FAM241A: variants seen among roughly 807,000 people sequenced by gnomAD.
FAM241A encodes uncharacterized protein FAM241A.
A neutral mutation model predicts 12.2 loss-of-function variants in FAM241A; 7 were observed. The ratio of observed to expected loss-of-function variants is 0.58; its 90% CI spans 0.33 to 1.08. The LOEUF (loss-of-function observed/expected upper bound fraction) is 1.08. FAM241A is among the 50% of genes least tolerant of loss of function. FAM241A has a pLI of 0.04. For missense variants in FAM241A, 161 were observed against 169.7 expected, an observed-to-expected ratio of 0.95 and a Z score of 0.29; for synonymous variants, 74 against 68.2, an observed-to-expected ratio of 1.08 and a Z score of -0.42.
At chr4:112,176,711 C>T (rs1296170250) in intron 1 of FAM241A, among the ~76,000 whole-genome samples, 1 of 152,176 alleles carries the variant, frequency 6.6e-6, no homozygotes, top group Non-Finnish European at 1.5e-5. Flanking sequence ...GAACACCCCT[C>T]TATTTTTATG....
intron 1 of FAM241A, among the ~76,000 whole-genome samples, chr4:112,156,263 C>G (rs1723351668): frequency 6.6e-6 from 1 of 152,090 alleles, no homozygotes; most frequent in Non-Finnish European, 1.5e-5. Context: ...GAACTCTTCC[C>G]CCAGATCTTC....
At chr4:112,161,283 C>G (rs148556367) in intron 1 of FAM241A, among the ~76,000 whole-genome samples, 4,498 of 152,138 alleles carry the variant, frequency 0.03, 181 homozygotes, top group East Asian at 0.16. Context: ...TATTCAAAAG[C>G]TAGCAGAAGG....
chr4:112,149,326 T>C (rs1455205895), intron 1 of FAM241A, among the ~76,000 whole-genome samples: 5 of 152,178 alleles, frequency 3.3e-5, no homozygotes, highest in African/African-American at 4.8e-5. Context: ...TTTTAATATG[T>C]TTTAATATAA....
chr4:112,149,967 A>G (rs1240379562), intron 1 of FAM241A, among the ~76,000 whole-genome samples: 1 of 151,894 alleles, frequency 6.6e-6, no homozygotes, highest in Non-Finnish European at 1.5e-5. Context: ...TTTTTTTGGT[A>G]ATTTCGTATA....
chr4:112,152,358 T>C (rs1391625738), intron 1 of FAM241A, among the ~76,000 whole-genome samples: 2 of 152,186 alleles, frequency 1.3e-5, no homozygotes, highest in African/African-American at 4.8e-5. Context: ...GCACAAAATT[T>C]CAATAGTGCC....
intron 1 of FAM241A, among the ~76,000 whole-genome samples, chr4:112,177,608 A>T (rs1365209827): frequency 1.3e-5 from 2 of 152,176 alleles, no homozygotes; most frequent in African/African-American, 4.8e-5. Context: ...TAATGCATGT[A>T]AAACACAATG....
Position 112,194,575 on chromosome 4 carries a change from T to C in FAM241A, c.*7637T>C, listed in dbSNP as rs2110440690. ...TAGCATGAAGCGTTGTTGAATTTTG[T>C]CAAAGGCCTTTTCTGCATCTATTGA... On this transcript the variant is annotated 3_prime_UTR_variant, in exon 2 of 2. Transcript: ENST00000309733. The C allele has an allele frequency of 6.6e-6, 1 of 152,288 alleles. No individual in the cohort carries two copies. Among genetic ancestry groups the C allele is most frequent in the East Asian group, 1.9e-4 (1 of 5,178 alleles). The allele number at this position is 152,288 out of a possible 1,614,324, so 9.4% of individuals were successfully genotyped here.
chr4:112,163,227 AC>A (rs2110425570), intron 1 of FAM241A, among the ~76,000 whole-genome samples: 1 of 152,364 alleles, frequency 6.6e-6, no homozygotes, highest in East Asian at 1.9e-4. Flanking sequence ...CCTAGGTAAT[AC>A]CATTCAGAAC....
chr4:112,179,080 T>G (rs976437883), intron 1 of FAM241A, among the ~76,000 whole-genome samples: 2 of 152,114 alleles, frequency 1.3e-5, no homozygotes, highest in Non-Finnish European at 2.9e-5. Flanking sequence ...TCAAAGAACT[T>G]CAAACACTCT....
chr4:112,163,450 G>C (rs1445895076), intron 1 of FAM241A, among the ~76,000 whole-genome samples: 1 of 152,004 alleles, frequency 6.6e-6, no homozygotes, highest in African/African-American at 2.4e-5. Context: ...AAAGAACTCA[G>C]ACAAACTTAC....
intron 1 of FAM241A, among the ~76,000 whole-genome samples, chr4:112,181,557 T>C (rs553780210): frequency 6.6e-6 from 1 of 152,310 alleles, no homozygotes; most frequent in South Asian, 2.1e-4. Context: ...AGGTAGACAT[T>C]AATCAAATAA....
chr4:112,164,603 T>TA (rs1723555877), intron 1 of FAM241A, among the ~76,000 whole-genome samples: 2 of 151,196 alleles, frequency 1.3e-5, no homozygotes, highest in South Asian at 2.1e-4. Flanking sequence ...ATAATAATTT[T>TA]AAAAAATAAA....
rs1023800977 is a variant in FAM241A at position 112,190,170 on chromosome 4, A to C, written c.*3232A>C. ...TATCCAGGCAATCAGGAAAGGCAAAACTTACAGAATGATAGAGGAAAAATT... is the reference window on the plus strand; with the variant it reads ...TATCCAGGCAATCAGGAAAGGCAAACCTTACAGAATGATAGAGGAAAAATT... On this transcript the variant is annotated 3_prime_UTR_variant, in exon 2 of 2. Transcript: ENST00000309733. The C allele has an allele frequency of 6.8e-6, 1 of 147,816 alleles. No homozygotes were observed. The highest frequency in any genetic ancestry group is 2.5e-5 in the African/African-American group (1 of 39,364). The allele number at this position is 147,816 out of a possible 1,614,324, so 9.2% of individuals were successfully genotyped here. A position where few individuals can be genotyped will look rare whatever the true frequency, so the allele number is the denominator to read the frequency against.
At chr4:112,147,405 A>G (rs1386449116) in intron 1 of FAM241A, among the ~76,000 whole-genome samples, 2 of 152,272 alleles carry the variant, frequency 1.3e-5, no homozygotes, top group Non-Finnish European at 1.5e-5. Flanking sequence ...TTCCTACTAC[A>G]TTAGCACCAA....
chr4:112,167,120 A>C (rs1398951688), intron 1 of FAM241A, among the ~76,000 whole-genome samples: 1 of 150,170 alleles, frequency 6.7e-6, no homozygotes, highest in South Asian at 2.1e-4. Context: ...TCTCAAAAAA[A>C]AAAAAAATAA....
chr4:112,161,391 C>G (rs1723465457), intron 1 of FAM241A, among the ~76,000 whole-genome samples: 1 of 151,618 alleles, frequency 6.6e-6, no homozygotes, highest in Non-Finnish European at 1.5e-5. Context: ...TTGAAAAGAT[C>G]AACAAAATTG....
chr4:112,174,098 T>C (rs1723774868), intron 1 of FAM241A, among the ~76,000 whole-genome samples: 3 of 152,156 alleles, frequency 2.0e-5, no homozygotes, highest in Non-Finnish European at 4.4e-5. Flanking sequence ...CCTAGCTCCA[T>C]GTTGTGGAAT....
intron 1 of FAM241A, among the ~76,000 whole-genome samples, chr4:112,184,770 T>G (rs1298825334): frequency 6.6e-6 from 1 of 152,210 alleles, no homozygotes; most frequent in African/African-American, 2.4e-5. Flanking sequence ...CACTCTTCCC[T>G]TAAAGATTTA....
intron 1 of FAM241A, among the ~76,000 whole-genome samples, chr4:112,166,490 G>A (rs2110427430): frequency 1.3e-5 from 2 of 152,246 alleles, no homozygotes; most frequent in Middle Eastern, 6.8e-3. Context: ...TATTTGATGT[G>A]AAGGGGTGAG....
Sources: allele counts gnomAD v4.1 joint callset (sites outside exome capture counted in the v4.1 genomes callset), GRCh38; gene constraint gnomAD v4.1.1; transcripts MANE v1.5; gene names NCBI Gene and HGNC (gene_info 2026-07-23, HGNC 2026-07-21).